The following GC variants were observed in gnomAD, a reference collection of about 807,000 sequenced individuals.
GC encodes vitamin D-binding protein.
In GC, 43 loss-of-function variants were observed where a neutral mutation model predicts 56.7. That is an observed-to-expected ratio of 0.76 (90% CI 0.59 to 0.98). The LOEUF is 0.98. GC is among the 50% of genes least tolerant of loss of function. The pLI, the probability that GC is intolerant of heterozygous loss-of-function variation, is 0.00. For synonymous variants in GC, 216 were observed against 202.7 expected, an observed-to-expected ratio of 1.07 and a Z score of -0.56; for missense variants, 529 against 545.9, an observed-to-expected ratio of 0.97 and a Z score of 0.31.
chr4:71,782,835 T>C (rs983764051), intron 1 of GC, among the ~76,000 whole-genome samples: 2 of 151,828 alleles, frequency 1.3e-5, no homozygotes, highest in African/African-American at 4.8e-5. Context: ...AAGGGATTTC[T>C]TGGAACATGG....
chr4:71,784,173 A>G, upstream of GC: 1 of 1,328,314 alleles, frequency 7.5e-7, no homozygotes, highest in Non-Finnish European at 9.7e-7. Context: ...ATTATTAAAC[A>G]CAGAAGCAAG....
chr4:71,773,103 T>G (rs1742391990), intron 1 of GC, among the ~76,000 whole-genome samples: 1 of 152,070 alleles, frequency 6.6e-6, no homozygotes, highest in Non-Finnish European at 1.5e-5. Context: ...ACTGTAAAAT[T>G]ATACGCTCTG....
At chr4:71,785,390 A>G (rs1425654196), upstream of GC, among the ~76,000 whole-genome samples, 2 of 151,736 alleles carry the variant, frequency 1.3e-5, no homozygotes, top group Admixed American at 1.3e-4. Context: ...GGTCCCGCAG[A>G]TAAGTGATTT....
Position 71,775,616 on chromosome 4 carries a change from C to T in GC, c.59-6216G>A, listed in dbSNP as rs1474831173. ...GGCAATGAGTTTTTTGGACATGACGCTGAAATTACAGGCAACAAAAGCAAA... is the reference window on the plus strand; with the variant it reads ...GGCAATGAGTTTTTTGGACATGACGTTGAAATTACAGGCAACAAAAGCAAA... On this transcript the variant is annotated intron_variant, in intron 1 of 12. Coordinates refer to ENST00000273951, the MANE Select transcript of GC (RefSeq NM_000583.4). Among the ~76,000 whole-genome samples, 4 of 151,888 alleles carry T rather than the reference C, an allele frequency of 2.6e-5. No individual in the cohort carries two copies. The Admixed American group carries it at 2.6e-4, about 10-fold the overall frequency.
At chr4:71,786,210 T>G (rs1361513022), upstream of GC, among the ~76,000 whole-genome samples, 2 of 151,848 alleles carry the variant, frequency 1.3e-5, no homozygotes, top group African/African-American at 2.4e-5. Flanking sequence ...TAACTGAAAT[T>G]CGGCAAAACA....
intron 10 of GC, 86 bp from the exon 11 acceptor site, chr4:71,752,736 T>C: frequency 8.5e-7 from 1 of 1,171,212 alleles, no homozygotes; most frequent in Non-Finnish European, 1.2e-6. Flanking sequence ...ATTTCAGATC[T>C]TTTACAATAA....
chr4:71,752,572 G>A lies in GC; in HGVS notation c.1341C>T (p.Asp447=), dbSNP rs1741590667. 1.2e-6 allele frequency: 2 copies of A among 1,613,256 alleles called. No homozygotes were observed. Among genetic ancestry groups the A allele is most frequent in the Non-Finnish European group, 1.7e-6 (2 of 1,179,214 alleles). Residue 447 remains aspartate, a synonymous_variant, in exon 11 of 13, where the codon GAC becomes GAT. Coordinates refer to ENST00000273951, the MANE Select transcript of GC (RefSeq NM_000583.4). ...TTATGGAACAGCAGTTGGAGGCAAA[G>A]TCTGAGTGCTTGTTAACCAGCTTTG... ...ELAKLVNKHS[D]FASNCCSINS... is the part of the protein sequence containing the mutation.
chr4:71,798,831 C>T (rs1033497134), intron 1 of GC, among the ~76,000 whole-genome samples: 1 of 152,140 alleles, frequency 6.6e-6, no homozygotes, highest in Non-Finnish European at 1.5e-5. Flanking sequence ...CACTACTTAA[C>T]TTGTAGTCTC....
At position 71,755,112 on chromosome 4, in the gene GC, C is replaced by G; in HGVS notation, c.1035-5G>C. 1 of 1,483,940 alleles carries G rather than the reference C, an allele frequency of 6.7e-7. No individual in the cohort carries two copies. The highest frequency in any genetic ancestry group is 9.1e-7 in the Non-Finnish European group (1 of 1,094,362). 91.9% of individuals were successfully genotyped at this position (1,483,940 alleles called of 1,614,324 possible). On this transcript the variant is annotated splice_polypyrimidine_tract_variant and splice_region_variant and intron_variant, in intron 8 of 12. Coordinates refer to ENST00000273951, the MANE Select transcript of GC (RefSeq NM_000583.4). The stretch of plus-strand genomic sequence containing the variant: ...CTGCTTAGTTCAAATGTATACCTAG[C>G]ATGAGGGAGAAAAGGAGATATGTGT...
intron 10 of GC, 115 bp from the exon 11 acceptor site, chr4:71,752,765 T>G: frequency 1.1e-6 from 1 of 940,714 alleles, no homozygotes; most frequent in Non-Finnish European, 1.6e-6. Flanking sequence ...ATAGAAATAC[T>G]TGCCTGTCTC....
chr4:71,790,705 C>T (rs843010), intron 1 of GC, among the ~76,000 whole-genome samples: 147,119 of 151,718 alleles, frequency 0.97, 71,501 homozygotes, highest in East Asian at 1. Context: ...TTATCTTTAA[C>T]ATGTCCAAGT....
chr4:71,757,357 G>T (rs1741814218), intron 7 of GC, among the ~76,000 whole-genome samples: 2 of 152,078 alleles, frequency 1.3e-5, no homozygotes, highest in South Asian at 4.1e-4. Context: ...ACACAGACAT[G>T]CATTTTTAAT....
chr4:71,772,577 T>C (rs1218376204), intron 1 of GC, among the ~76,000 whole-genome samples: 1 of 152,194 alleles, frequency 6.6e-6, no homozygotes, highest in Non-Finnish European at 1.5e-5. Flanking sequence ...CTATTTGTGT[T>C]TGCACACAGC....
At chr4:71,797,435 T>C (rs1484075188) in intron 1 of GC, among the ~76,000 whole-genome samples, 1 of 152,230 alleles carries the variant, frequency 6.6e-6, no homozygotes, top group African/African-American at 2.4e-5. Context: ...GCCTCGCAGT[T>C]CAATCTCAGA....
Position 71,763,428 on chromosome 4 carries a change from C to G in GC, c.681G>C (p.Gly227=). The part of the protein sequence containing the change: ...NRVCSQYAAY[G]EKKSRLSNLI... ...TTTACCTGAGCCTTGATTTCTTCTC[C>G]CCATAAGCAGCATATTGTGAGCAGA... The change falls in exon 6 of 13, where the codon GGG becomes GGC. Residue 227 remains glycine, a synonymous_variant. Coordinates refer to ENST00000273951, the MANE Select transcript of GC (RefSeq NM_000583.4). 1 of 1,593,754 alleles carries G rather than the reference C, an allele frequency of 6.3e-7. No homozygotes were observed.
intron 10 of GC, among the ~76,000 whole-genome samples, chr4:71,753,655 T>A (rs1297489813): frequency 1.3e-5 from 2 of 152,196 alleles, no homozygotes; most frequent in Non-Finnish European, 2.9e-5. Context: ...TATAGAGAAA[T>A]GCTTTTTCCT....
chr4:71,785,083 T>C (rs2149307416), upstream of GC, among the ~76,000 whole-genome samples: 2 of 151,894 alleles, frequency 1.3e-5, no homozygotes, highest in South Asian at 4.1e-4. Context: ...CATAGCTGTG[T>C]AACCTTGGGA....
intron 8 of GC, among the ~76,000 whole-genome samples, chr4:71,755,662 A>G (rs939323480): frequency 6.6e-6 from 1 of 152,196 alleles, no homozygotes; most frequent in East Asian, 1.9e-4. Context: ...TGTAATATAC[A>G]TTTAAATATA....
At chr4:71,802,271 T>A (rs1743269599) in intron 1 of GC, among the ~76,000 whole-genome samples, 1 of 152,208 alleles carries the variant, frequency 6.6e-6, no homozygotes, top group Non-Finnish European at 1.5e-5. Context: ...TTATTTGGGG[T>A]TTAAGCTGCA....
Sources: gnomAD v4.1 joint callset for allele counts (sites outside exome capture counted in the v4.1 genomes callset) on GRCh38, gnomAD v4.1.1 for gene constraint, MANE v1.5 for transcripts, NCBI Gene and HGNC (gene_info 2026-07-23, HGNC 2026-07-21) for gene names.